The following FMN2 variants were observed in gnomAD, a reference collection of about 807,000 sequenced individuals.
FMN2 encodes formin 2, also known as formin-2.
Under a neutral mutation model 142.3 loss-of-function variants are expected in FMN2, and 51 were observed. The observed-to-expected ratio is 0.36, with a 90% CI of 0.29 to 0.45. The LOEUF (loss-of-function observed/expected upper bound fraction) is 0.45. Among genes scored for constraint, FMN2 ranks in the 20% least tolerant of loss-of-function variants. The pLI, the probability that FMN2 is intolerant of heterozygous loss-of-function variation, is 1.00. For missense variants in FMN2, 1,936 were observed against 2,122.8 expected (o/e 0.91, Z 1.73); for synonymous variants, 882 against 869.8 (o/e 1.01, Z -0.25).
At chr1:240,265,394 A>G (rs1403585898) in intron 7 of FMN2, among the ~76,000 whole-genome samples, 3 of 152,200 alleles carry the variant, frequency 2.0e-5, no homozygotes. Context: ...ACAACAGACC[A>G]TGTATGTGAT....
At chr1:240,355,131 T>C (rs1672218959) in intron 13 of FMN2, among the ~76,000 whole-genome samples, 1 of 152,176 alleles carries the variant, frequency 6.6e-6, no homozygotes, top group Non-Finnish European at 1.5e-5. Flanking sequence ...CTGCATATTA[T>C]CTGTGGACTC....
At chr1:240,385,732 C>T (rs1215594989) in intron 14 of FMN2, among the ~76,000 whole-genome samples, 1 of 152,140 alleles carries the variant, frequency 6.6e-6, no homozygotes, top group Non-Finnish European at 1.5e-5. Flanking sequence ...GTGATAATAG[C>T]ACACGGCTTT....
At chr1:240,285,971 G>C (rs1300878913) in intron 7 of FMN2, among the ~76,000 whole-genome samples, 1 of 152,024 alleles carries the variant, frequency 6.6e-6, no homozygotes, top group Non-Finnish European at 1.5e-5. Context: ...ATCCTTGGCT[G>C]TCTGTTCTTG....
At chr1:240,139,010 A>G (rs1472661536) in intron 2 of FMN2, among the ~76,000 whole-genome samples, 2 of 152,236 alleles carry the variant, frequency 1.3e-5, no homozygotes, top group Non-Finnish European at 2.9e-5. Flanking sequence ...GTTACAACAC[A>G]GATTGCTGGC....
intron 6 of FMN2, among the ~76,000 whole-genome samples, chr1:240,237,322 C>T (rs905229722): frequency 6.6e-6 from 1 of 152,148 alleles, no homozygotes; most frequent in African/African-American, 2.4e-5. Context: ...GAGCTGCTTA[C>T]AGTTGTTCAA....
intron 8 of FMN2, among the ~76,000 whole-genome samples, chr1:240,301,902 C>G (rs1051208508): frequency 7.5e-6 from 1 of 133,130 alleles, no homozygotes; most frequent in Non-Finnish European, 1.6e-5. Flanking sequence ...TGATTTTTCA[C>G]CACATTTGAC....
At chr1:240,221,809 C>T (rs550190870) in intron 6 of FMN2, among the ~76,000 whole-genome samples, 162 of 145,090 alleles carry the variant, frequency 1.1e-3, no homozygotes, top group Admixed American at 5.0e-3. Context: ...TTGCCCATGC[C>T]TATGTCCTGA....
chr1:240,324,016 G>A (rs1671067802), intron 8 of FMN2, among the ~76,000 whole-genome samples: 1 of 152,122 alleles, frequency 6.6e-6, no homozygotes, highest in Non-Finnish European at 1.5e-5. Flanking sequence ...ACTGTTTCAT[G>A]GCAGTTTATT....
chr1:240,348,655 T>C (rs1671997103), intron 13 of FMN2, among the ~76,000 whole-genome samples: 1 of 152,148 alleles, frequency 6.6e-6, no homozygotes, highest in Non-Finnish European at 1.5e-5. Context: ...CAGTTGATTC[T>C]GAAGTTTACA....
rs568868367 is a variant in FMN2, at chr1:240,158,765, C to T, written c.1783-19156C>T. Among the ~76,000 whole-genome samples the T allele has an allele frequency of 3.4e-4, 52 of 152,222 alleles. No homozygotes were observed. The South Asian group carries it at 0.011, about 32-fold the overall frequency. ...CCTAATGCATCCCCTATTTTGTCCACACTCTCATAAAGACTCTAGTTGATA... is the reference window on the plus strand; with the variant it reads ...CCTAATGCATCCCCTATTTTGTCCATACTCTCATAAAGACTCTAGTTGATA... On this transcript the variant is annotated intron_variant, in intron 2 of 17. Transcript: ENST00000319653.
chr1:240,452,190 CA>C (rs1004240063), intron 16 of FMN2, among the ~76,000 whole-genome samples: 1 of 151,370 alleles, frequency 6.6e-6, no homozygotes, highest in Non-Finnish European at 1.5e-5. Context: ...GACTCTGTCT[CA>C]AAAAAATAAA....
At chr1:240,324,391 C>T (rs1305654898) in intron 8 of FMN2, among the ~76,000 whole-genome samples, 1 of 152,190 alleles carries the variant, frequency 6.6e-6, no homozygotes, top group Non-Finnish European at 1.5e-5. Flanking sequence ...GGCGCAGAGG[C>T]TCATGCCTGT....
intron 7 of FMN2, chr1:240,285,414 T>C (rs1669551811): frequency 7.4e-6 from 3 of 405,608 alleles, no homozygotes; most frequent in African/African-American, 2.1e-5. Context: ...GTTGGTTCTA[T>C]AAGTGAGGAG....
At chr1:240,170,314 G>A in intron 2 of FMN2, 2 of 1,081,840 alleles carry the variant, frequency 1.8e-6, no homozygotes, top group Non-Finnish European at 2.9e-6. Context: ...CCATACCAAT[G>A]CCTATACCCT....
At chr1:240,237,323 AGTT>A (rs1422550184) in intron 6 of FMN2, among the ~76,000 whole-genome samples, 6 of 152,182 alleles carry the variant, frequency 3.9e-5, no homozygotes, top group Admixed American at 3.3e-4. Context: ...AGCTGCTTAC[AGTT>A]GTTCAAGTCA....
At chr1:240,118,560 T>C (rs934625468) in intron 1 of FMN2, among the ~76,000 whole-genome samples, 2 of 152,166 alleles carry the variant, frequency 1.3e-5, no homozygotes, top group African/African-American at 4.8e-5. Context: ...TTGATTTTAC[T>C]CTGAGGGTGA....
At chr1:240,461,042 A>T (rs1676432580) in intron 16 of FMN2, among the ~76,000 whole-genome samples, 1 of 152,228 alleles carries the variant, frequency 6.6e-6, no homozygotes, top group Admixed American at 6.5e-5. Context: ...AGGTGCCTAT[A>T]GTTCCAACCG....
rs1667502867 is a variant in FMN2 at position 240,230,705 on chromosome 1, T to C, written c.4065+19470T>C. Reference sequence around the variant, plus strand: ...AATGACTCCTTTTCTCTTTTAATACTCTCCTGTATAATGTTGTTGGTGTTT... The same window carrying C: ...AATGACTCCTTTTCTCTTTTAATACCCTCCTGTATAATGTTGTTGGTGTTT... On this transcript the variant is annotated intron_variant, in intron 6 of 17. Coordinates refer to ENST00000319653, the MANE Select transcript of FMN2 (RefSeq NM_020066.5). Among the ~76,000 whole-genome samples, 2 of 132,334 alleles carry C rather than the reference T, an allele frequency of 1.5e-5. 1 individual carries two copies. The highest frequency in any genetic ancestry group is 6.4e-5 in the African/African-American group (2 of 31,050). The allele number at this position is 132,334 out of a possible 152,430, so 86.8% of individuals were successfully genotyped here.
intron 13 of FMN2, among the ~76,000 whole-genome samples, chr1:240,336,582 A>T (rs6683898): frequency 9.8e-6 from 1 of 101,884 alleles, no homozygotes; most frequent in Non-Finnish European, 2.0e-5. Context: ...AAAAAAAAAA[A>T]GGTGGTTGCA....
Sources: allele counts gnomAD v4.1 joint callset (sites outside exome capture counted in the v4.1 genomes callset), GRCh38; gene constraint gnomAD v4.1.1; transcripts MANE v1.5; gene names NCBI Gene and HGNC (gene_info 2026-07-23, HGNC 2026-07-21).